Variants in BAIAP2 observed in about 807,000 individuals in gnomAD.
The protein encoded by BAIAP2 is BAR/IMD domain containing adaptor protein 2, also known as BAR/IMD domain-containing adapter protein 2.
In BAIAP2, 18 loss-of-function variants were observed where a neutral mutation model predicts 63.0. That is an observed-to-expected ratio of 0.29 (90% CI 0.20 to 0.42). The LOEUF is 0.42. Ranked by LOEUF, BAIAP2 falls within the 10% of genes least tolerant of loss-of-function variation. BAIAP2 has a pLI of 1.00. For missense variants in BAIAP2, 610 were observed against 734.3 expected (o/e 0.83, Z 1.96); for synonymous variants, 386 against 307.6 (o/e 1.25, Z -2.67).
chr17:81,073,271 G>A (rs2053027670), intron 3 of BAIAP2, among the ~76,000 whole-genome samples: 1 of 152,116 alleles, frequency 6.6e-6, no homozygotes, highest in Admixed American at 6.5e-5. Context: ...GGTTACCCAG[G>A]AGTTCAGAAC....
chr17:81,045,301 C>T (rs1399239481), intron 1 of BAIAP2, among the ~76,000 whole-genome samples: 1 of 152,168 alleles, frequency 6.6e-6, no homozygotes, highest in Non-Finnish European at 1.5e-5. Context: ...GAAGCAGGGC[C>T]CCAGGCTGGG....
rs1450252122 is a variant in BAIAP2 at position 81,084,686 on chromosome 17, C to T, written c.218-146C>T. On this transcript the variant is annotated intron_variant, in intron 3 of 13. Transcript: ENST00000428708. ...GTTTCCTTTTGGTGTCCCCTCTCCG[C>T]CCTCCCTTCTGGCCCTGACACCCCG... The T allele has an allele frequency of 6.8e-6, 5 of 731,308 alleles. No individual in the cohort carries two copies. The East Asian group carries it at 1.2e-4, about 18-fold the overall frequency. 45.3% of individuals were successfully genotyped at this position (731,308 alleles called of 1,614,324 possible).
At chr17:81,104,161 A>G in intron 9 of BAIAP2, 53 bp downstream of exon 9, 1 of 1,579,894 alleles carries the variant, frequency 6.3e-7, no homozygotes. Flanking sequence ...GCCTCCTCAG[A>G]CCCTACAGTC....
intron 3 of BAIAP2, among the ~76,000 whole-genome samples, chr17:81,078,625 G>T (rs1013600304): frequency 1.3e-5 from 2 of 150,710 alleles, no homozygotes; most frequent in Non-Finnish European, 3.0e-5. Flanking sequence ...GCCGGGCTCT[G>T]TGGGTGCAGG....
chr17:81,114,321 C>T lies in BAIAP2; in HGVS notation c.1536-1449C>T, dbSNP rs149928843. ...GAGCTCCCTCCGGACCCTGGGCCTG[C>T]GGAGGAACTCGGGCCACAGAGCACT... On this transcript the variant is annotated intron_variant, in intron 13 of 13. Coordinates refer to ENST00000428708, the MANE Select transcript of BAIAP2 (RefSeq NM_001144888.2). Among the ~76,000 whole-genome samples the T allele has an allele frequency of 2.6e-5, 4 of 152,052 alleles. No individual in the cohort carries two copies. In the East Asian group the frequency reaches 5.8e-4, roughly 22 times the overall value.
intron 6 of BAIAP2, among the ~76,000 whole-genome samples, chr17:81,091,579 C>A (rs562599397): frequency 6.6e-6 from 1 of 152,300 alleles, no homozygotes; most frequent in East Asian, 1.9e-4. Context: ...GCAGTTGTCC[C>A]CAATCCTGAA....
intron 1 of BAIAP2, among the ~76,000 whole-genome samples, chr17:81,043,756 C>T (rs1342623281): frequency 1.3e-5 from 2 of 152,176 alleles, no homozygotes; most frequent in East Asian, 3.8e-4. Flanking sequence ...AGAAGTGTGT[C>T]CCCGCCCGTA....
At position 81,051,507 on chromosome 17, in the gene BAIAP2, C is replaced by G. The variant is rs893276398; in HGVS notation, c.55-2161C>G. On this transcript the variant is annotated intron_variant, in intron 1 of 13. Coordinates refer to ENST00000428708, the MANE Select transcript of BAIAP2 (RefSeq NM_001144888.2). ...TTCCGCCTCCCAGGTTCAAGCGATT[C>G]TCCTGCCTCAGGCTCCCAAGTAGCT... Among the ~76,000 whole-genome samples the G allele has an allele frequency of 1.6e-4, 25 of 152,276 alleles. 1 individual carries two copies. The highest frequency in any genetic ancestry group is 8.5e-4 in the Admixed American group (13 of 15,310).
chr17:81,044,747 A>G (rs1463286559), intron 1 of BAIAP2, among the ~76,000 whole-genome samples: 1 of 152,116 alleles, frequency 6.6e-6, no homozygotes, highest in Non-Finnish European at 1.5e-5. Flanking sequence ...TTCCCTTCCA[A>G]CCTCAGTCAG....
chr17:81,048,792 T>C (rs1380036296), intron 1 of BAIAP2, among the ~76,000 whole-genome samples: 1 of 151,990 alleles, frequency 6.6e-6, no homozygotes, highest in East Asian at 1.9e-4. Flanking sequence ...CTGGATTCCA[T>C]GCGACTCCAG....
chr17:81,063,580 A>G (rs563330213), intron 3 of BAIAP2, among the ~76,000 whole-genome samples: 347 of 151,788 alleles, frequency 2.3e-3, no homozygotes, highest in Non-Finnish European at 3.8e-3. Flanking sequence ...CGTTCGTCTC[A>G]CTCCCCAGGC....
intron 1 of BAIAP2, among the ~76,000 whole-genome samples, chr17:81,040,416 T>G (rs2046919155): frequency 6.6e-6 from 1 of 152,222 alleles, no homozygotes; most frequent in African/African-American, 2.4e-5. Context: ...CGAGCGCTGA[T>G]TCATTCCTGG....
At chr17:81,055,668 C>T (rs1042467283) in intron 2 of BAIAP2, among the ~76,000 whole-genome samples, 4 of 150,058 alleles carry the variant, frequency 2.7e-5, no homozygotes, top group South Asian at 2.1e-4. Flanking sequence ...CGGGTTCACG[C>T]CATTCTCCTG....
chr17:81,050,363 C>CGCTGTCTGCCT (rs1353493391), intron 1 of BAIAP2, among the ~76,000 whole-genome samples: 1 of 152,122 alleles, frequency 6.6e-6, no homozygotes, highest in Non-Finnish European at 1.5e-5. Context: ...GTTCCCTGCC[C>CGCTGTCTGCCT]GCTGTCTCCT....
intron 1 of BAIAP2, among the ~76,000 whole-genome samples, chr17:81,052,754 C>G (rs543561239): frequency 6.6e-6 from 1 of 152,186 alleles, no homozygotes; most frequent in Non-Finnish European, 1.5e-5. Context: ...GCCCTTCCCT[C>G]CCCACTCTCT....
intron 6 of BAIAP2, chr17:81,098,317 C>G (rs1241362476): frequency 1.5e-5 from 9 of 611,816 alleles, no homozygotes; most frequent in Non-Finnish European, 2.1e-5. Flanking sequence ...CACTCTCTCC[C>G]CCAAACTCCC....
chr17:81,081,956 G>A (rs1225241537), intron 3 of BAIAP2, among the ~76,000 whole-genome samples: 1 of 152,156 alleles, frequency 6.6e-6, no homozygotes, highest in Admixed American at 6.5e-5. Context: ...GGCCAGGGCT[G>A]GGGCTGGCAT....
intron 1 of BAIAP2, among the ~76,000 whole-genome samples, chr17:81,048,183 G>A (rs1010478853): frequency 2.0e-5 from 3 of 152,188 alleles, no homozygotes; most frequent in African/African-American, 7.2e-5. Context: ...TCGGGAGTTC[G>A]AGACTAGCCT....
At chr17:81,084,701 C>T (rs2055259546) in intron 3 of BAIAP2, 131 bp from the exon 4 acceptor site, 2 of 833,586 alleles carry the variant, frequency 2.4e-6, no homozygotes, top group South Asian at 1.4e-5. Context: ...CCTTCTGGCC[C>T]TGACACCCCG....
Sources: allele counts gnomAD v4.1 joint callset (sites outside exome capture counted in the v4.1 genomes callset), GRCh38; gene constraint gnomAD v4.1.1; transcripts MANE v1.5; gene names NCBI Gene and HGNC (gene_info 2026-07-23, HGNC 2026-07-21).